Variants in PAK5 observed in about 807,000 individuals in gnomAD.
The protein encoded by PAK5 is serine/threonine-protein kinase PAK 5.
Under a neutral mutation model 65.9 loss-of-function variants are expected in PAK5, and 16 were observed. The ratio of observed to expected loss-of-function variants is 0.24; its 90% confidence interval spans 0.16 to 0.37. The LOEUF (loss-of-function observed/expected upper bound fraction) is 0.37. PAK5 is among the 10% of genes least tolerant of loss of function. PAK5 has a pLI of 1.00. For missense variants in PAK5, 785 were observed against 903.9 expected (o/e 0.87, Z 1.69); for synonymous variants, 371 against 354.9 (o/e 1.05, Z -0.51).
intron 1 of PAK5, among the ~76,000 whole-genome samples, chr20:9,792,655 A>G (rs1334251771): frequency 6.6e-6 from 1 of 152,172 alleles, no homozygotes; most frequent in Non-Finnish European, 1.5e-5. Context: ...CCAAAGAAAG[A>G]AGCTCAAAGA....
At chr20:9,798,250 G>A (rs2049128092) in intron 1 of PAK5, among the ~76,000 whole-genome samples, 1 of 125,448 alleles carries the variant, frequency 8.0e-6, no homozygotes, top group African/African-American at 2.7e-5. Context: ...TGAGTTATGG[G>A]GTAAAAAAAA....
chr20:9,688,063 T>A (rs1259984627), intron 2 of PAK5, among the ~76,000 whole-genome samples: 1 of 151,888 alleles, frequency 6.6e-6, no homozygotes, highest in Non-Finnish European at 1.5e-5. Context: ...GCTAAATATA[T>A]AAGCAGACAC....
intron 1 of PAK5, among the ~76,000 whole-genome samples, chr20:9,802,937 T>TATATA (rs1436279274): frequency 2.2e-5 from 3 of 133,638 alleles, no homozygotes; most frequent in East Asian, 4.5e-4. Flanking sequence ...TATATATGAA[T>TATATA]TACTAATAGC....
chr20:9,620,772 G>T (rs572019557), intron 3 of PAK5, among the ~76,000 whole-genome samples: 5 of 152,098 alleles, frequency 3.3e-5, no homozygotes, highest in African/African-American at 1.2e-4. Context: ...GGCTTCCTCC[G>T]TGCATCTCAA....
At chr20:9,560,849 G>A (rs1486805794) in intron 6 of PAK5, among the ~76,000 whole-genome samples, 1 of 152,174 alleles carries the variant, frequency 6.6e-6, no homozygotes, top group African/African-American at 2.4e-5. Flanking sequence ...GTAACAAGAT[G>A]TTAAGTTAAT....
intron 1 of PAK5, among the ~76,000 whole-genome samples, chr20:9,811,366 G>T (rs1400176964): frequency 1.3e-5 from 2 of 152,068 alleles, no homozygotes; most frequent in African/African-American, 2.4e-5. Context: ...ACCCCAAAAA[G>T]AAATATGTGT....
At chr20:9,590,599 A>G (rs999779063) in intron 3 of PAK5, among the ~76,000 whole-genome samples, 1 of 147,748 alleles carries the variant, frequency 6.8e-6, no homozygotes. Flanking sequence ...CTCTGCTAGT[A>G]TTTGATTCAT....
chr20:9,771,535 GGA>G (rs1157927564), intron 1 of PAK5, among the ~76,000 whole-genome samples: 3 of 150,504 alleles, frequency 2.0e-5, no homozygotes, highest in Non-Finnish European at 4.4e-5. Context: ...AGCCTCCCAA[GGA>G]GCTGGGACTA....
intron 1 of PAK5, among the ~76,000 whole-genome samples, chr20:9,781,423 A>G (rs2048939048): frequency 6.6e-6 from 1 of 152,178 alleles, no homozygotes; most frequent in Non-Finnish European, 1.5e-5. Context: ...GAGCCTGGAG[A>G]GGCGAATAAG....
chr20:9,592,715 T>G (rs2046193739), intron 3 of PAK5, among the ~76,000 whole-genome samples: 1 of 152,172 alleles, frequency 6.6e-6, no homozygotes. Flanking sequence ...GCAGCTGTCA[T>G]GCAAGTAGGT....
intron 2 of PAK5, among the ~76,000 whole-genome samples, chr20:9,659,519 G>A (rs1284522948): frequency 6.6e-6 from 1 of 152,156 alleles, no homozygotes; most frequent in Non-Finnish European, 1.5e-5. Flanking sequence ...TTTTCTTAAA[G>A]TTATGGTAGA....
intron 1 of PAK5, among the ~76,000 whole-genome samples, chr20:9,828,420 T>C (rs963301337): frequency 2.0e-5 from 3 of 152,216 alleles, no homozygotes; most frequent in Admixed American, 1.3e-4. Flanking sequence ...TGTAAAATTT[T>C]TTTAAATCCC....
chr20:9,539,164 A>G lies in PAK5; in HGVS notation c.*298T>C, dbSNP rs953733620. The stretch of plus-strand genomic sequence containing the variant: ...ACATGTTACCCTGCATGTGGCTAGG[A>G]TATATCATAACGGAGTTTGTACTGA... On this transcript the variant is annotated 3_prime_UTR_variant, in exon 10 of 10. Coordinates refer to ENST00000353224, the MANE Select transcript of PAK5 (RefSeq NM_177990.4). The G allele has an allele frequency of 3.5e-6, 1 of 285,732 alleles. No individual in the cohort carries two copies. The highest frequency in any genetic ancestry group is 6.6e-6 in the Non-Finnish European group (1 of 152,144). 17.7% of individuals were successfully genotyped at this position (285,732 alleles called of 1,614,324 possible).
At chr20:9,675,747 T>C (rs2047561648) in intron 2 of PAK5, among the ~76,000 whole-genome samples, 1 of 152,198 alleles carries the variant, frequency 6.6e-6, no homozygotes, top group Admixed American at 6.5e-5. Flanking sequence ...GGCATGTTTC[T>C]AAAGAAGAAA....
intron 3 of PAK5, among the ~76,000 whole-genome samples, chr20:9,599,003 C>A (rs1254924666): frequency 6.6e-6 from 1 of 152,104 alleles, no homozygotes; most frequent in Admixed American, 6.5e-5. Flanking sequence ...CACGTAGAAA[C>A]TTTGTACCCA....
rs116388823 is a variant in PAK5, at chr20:9,541,527, T to C, written c.2004+1059A>G. Among the ~76,000 whole-genome samples, 1,090 of 152,316 alleles carry C rather than the reference T, an allele frequency of 7.2e-3. 8 individuals carry two copies. Among genetic ancestry groups the C allele is most frequent in the African/African-American group, 0.024 (1,015 of 41,552 alleles). ...ACCTTTTTCCCCTTTCTGACTTTAC[T>C]CCAGCAATGTAAGCCTTCTTTCTTG... On this transcript the variant is annotated intron_variant, in intron 9 of 9. Coordinates refer to ENST00000353224, the MANE Select transcript of PAK5 (RefSeq NM_177990.4).
At chr20:9,707,766 C>T (rs2048026847) in intron 2 of PAK5, among the ~76,000 whole-genome samples, 1 of 152,024 alleles carries the variant, frequency 6.6e-6, no homozygotes, top group Non-Finnish European at 1.5e-5. Flanking sequence ...AAGTGAGTTG[C>T]CCTAGCCACA....
At chr20:9,633,241 C>A (rs561235907) in intron 3 of PAK5, among the ~76,000 whole-genome samples, 2 of 152,248 alleles carry the variant, frequency 1.3e-5, no homozygotes, top group African/African-American at 4.8e-5. Flanking sequence ...GCTCACATCA[C>A]CCCACTGGCC....
chr20:9,825,012 G>A (rs1487095525), intron 1 of PAK5, among the ~76,000 whole-genome samples: 1 of 152,134 alleles, frequency 6.6e-6, no homozygotes, highest in East Asian at 1.9e-4. Flanking sequence ...AGTCTTTACA[G>A]GAGAAAGCAG....
Sources: gnomAD v4.1 joint callset for allele counts (sites outside exome capture counted in the v4.1 genomes callset) on GRCh38, gnomAD v4.1.1 for gene constraint, MANE v1.5 for transcripts, NCBI Gene and HGNC (gene_info 2026-07-23, HGNC 2026-07-21) for gene names.